AFMID: variants seen among roughly 807,000 people sequenced by gnomAD.
AFMID encodes the protein kynurenine formamidase.
Under a neutral mutation model 47.5 loss-of-function variants are expected in AFMID, and 39 were observed. The ratio of observed to expected loss-of-function variants is 0.82; its 90% CI spans 0.64 to 1.07. The LOEUF (loss-of-function observed/expected upper bound fraction) is 1.07, where lower values mean the gene tolerates loss of function less well. Ranked by LOEUF, AFMID falls within the 50% of genes least tolerant of loss-of-function variation. The pLI is 0.00. For missense variants in AFMID, 375 were observed against 387.5 expected, an observed-to-expected ratio of 0.97 and a Z score of 0.27; for synonymous variants, 130 against 153.2, an observed-to-expected ratio of 0.85 and a Z score of 1.12.
intron 1 of AFMID, among the ~76,000 whole-genome samples, chr17:78,187,960 CAAAAAAAAAAAAA>C (rs34018698): frequency 7.1e-5 from 4 of 56,662 alleles, no homozygotes; most frequent in East Asian, 9.3e-4. Context: ...GACTTAGTCT[CAAAAAAAAAAAAA>C]AAAAAAAAAA....
At chr17:78,194,626 G>T (rs899154515) in intron 2 of AFMID, among the ~76,000 whole-genome samples, 5 of 152,172 alleles carry the variant, frequency 3.3e-5, no homozygotes, top group Non-Finnish European at 7.3e-5. Flanking sequence ...GGCTGGCAGA[G>T]AGGGGGTTTA....
intron 1 of AFMID, 97 bp from the exon 2 acceptor site, chr17:78,190,873 T>C: frequency 9.2e-7 from 1 of 1,089,160 alleles, no homozygotes; most frequent in Non-Finnish European, 1.4e-6. Context: ...GGCGAGGGCT[T>C]CTAAGGCAGA....
intron 2 of AFMID, chr17:78,192,860 T>C: frequency 3.7e-6 from 1 of 269,150 alleles, no homozygotes; most frequent in Non-Finnish European, 7.7e-6. Context: ...CAGAGGCAGA[T>C]GCCTGGGCTC....
intron 1 of AFMID, among the ~76,000 whole-genome samples, chr17:78,187,879 G>A (rs2075839992): frequency 1.3e-5 from 2 of 149,128 alleles, no homozygotes; most frequent in South Asian, 4.2e-4. Flanking sequence ...TTGAACCCAG[G>A]AGGTGGAGGT....
At chr17:78,194,799 A>AT (rs1412854963) in intron 2 of AFMID, among the ~76,000 whole-genome samples, 1 of 151,818 alleles carries the variant, frequency 6.6e-6, no homozygotes, top group Non-Finnish European at 1.5e-5. Context: ...GGTTCAAGCG[A>AT]TTCTCCTGCC....
intron 2 of AFMID, among the ~76,000 whole-genome samples, chr17:78,196,752 C>T (rs8067144): frequency 0.08 from 12,221 of 152,166 alleles, 1,218 homozygotes; most frequent in African/African-American, 0.23. Context: ...CATTTTTACA[C>T]GCGTGTTCGT....
chr17:78,198,973 C>T (rs779053330), intron 2 of AFMID, among the ~76,000 whole-genome samples: 4 of 152,198 alleles, frequency 2.6e-5, no homozygotes, highest in South Asian at 2.1e-4. Context: ...CAAATGGCCC[C>T]GTAGTACACA....
In AFMID at chr17:78,205,609, C is replaced by T. The variant is rs1236775997; in HGVS notation, c.651C>T (p.Asp217=). ...QNVALQLTLE[D]AQRNSPQLKV... ...TGTCCACTCCCCACCCCAGGGAGGACGCTCAGAGGAATAGCCCCCAGCTGA... is the reference window on the plus strand; with the variant it reads ...TGTCCACTCCCCACCCCAGGGAGGATGCTCAGAGGAATAGCCCCCAGCTGA... The change falls in exon 9 of 11, where the codon GAC becomes GAT. Residue 217 remains aspartate (D), a synonymous_variant. Coordinates refer to ENST00000409257, the MANE Select transcript of AFMID (RefSeq NM_001010982.5). The T allele has an allele frequency of 1.2e-5, 19 of 1,613,552 alleles. No individual in the cohort carries two copies. The highest frequency in any genetic ancestry group is 6.7e-5 in the East Asian group (3 of 44,850).
chr17:78,187,746 G>A (rs1287708544), intron 1 of AFMID, among the ~76,000 whole-genome samples: 2 of 152,046 alleles, frequency 1.3e-5, no homozygotes, highest in Non-Finnish European at 2.9e-5. Flanking sequence ...GAGGTCAGGA[G>A]TTCGAGACCA....
In AFMID at chr17:78,187,386, GGT is replaced by G; in HGVS notation, c.20_21del (p.Val7GlyfsTer44). 1.2e-6 allele frequency: 2 copies of G among 1,613,942 alleles called. No homozygotes were observed. Among genetic ancestry groups the G allele is most frequent in the Non-Finnish European group, 1.7e-6 (2 of 1,179,964 alleles). On this transcript the variant is annotated frameshift_variant, in exon 1 of 11. Coordinates refer to ENST00000409257, the MANE Select transcript of AFMID (RefSeq NM_001010982.5). LOFTEE classifies it high-confidence loss of function. MMDVS[G>X]VGFPSKVPWK... The stretch of plus-strand genomic sequence containing the variant: ...TGTAGACGCCATGATGGATGTGTCT[GGT>G]GTGGGTTTCCCAAGCAAGGTTCCTT...
intron 8 of AFMID, 23 bp downstream of exon 8, chr17:78,205,541 C>T (rs570400247): frequency 8.1e-6 from 13 of 1,613,984 alleles, no homozygotes; most frequent in South Asian, 7.7e-5. Context: ...GCCACCACCT[C>T]CCCTGGCTCA....
intron 2 of AFMID, among the ~76,000 whole-genome samples, chr17:78,192,175 ATT>A (rs201019004): frequency 2.6e-4 from 32 of 124,092 alleles, no homozygotes; most frequent in Admixed American, 2.5e-4. Context: ...AGTGTTTTGT[ATT>A]TTTTTTTTTT....
intron 4 of AFMID, chr17:78,203,939 A>G (rs4789550): frequency 0.69 from 103,103 of 150,232 alleles, 36,013 homozygotes; most frequent in African/African-American, 0.82. Flanking sequence ...CAGGAGAATC[A>G]CTTGAACCCA....
At position 78,206,893 on chromosome 17, in the gene AFMID, C is replaced by T. The variant is rs750674895; in HGVS notation, c.886-18C>T. On this transcript the variant is annotated intron_variant, in intron 10 of 10. Coordinates refer to ENST00000409257, the MANE Select transcript of AFMID (RefSeq NM_001010982.5). ...TGCTCTGATTCTGGGGCTTTTGTGT[C>T]TTCTCTTCCTGTTCCAGATTATCTT... 2.5e-6 allele frequency: 4 copies of T among 1,613,782 alleles called. No homozygotes were observed. The South Asian group carries it at 4.4e-5, about 18-fold the overall frequency.
At chr17:78,206,261 C>A (rs2076377721) in intron 10 of AFMID, among the ~76,000 whole-genome samples, 1 of 151,140 alleles carries the variant, frequency 6.6e-6, no homozygotes. Context: ...ATTGCTTTAA[C>A]CCAGGAGGCA....
intron 1 of AFMID, chr17:78,190,694 C>T (rs1192987287): frequency 8.1e-6 from 3 of 368,784 alleles, no homozygotes; most frequent in Non-Finnish European, 1.5e-5. Flanking sequence ...GCCACCTGGC[C>T]TCCCCTGGTC....
chr17:78,200,076 A>C (rs2145867649), intron 2 of AFMID, among the ~76,000 whole-genome samples: 1 of 152,220 alleles, frequency 6.6e-6, no homozygotes, highest in African/African-American at 2.4e-5. Flanking sequence ...TCCAAATCCT[A>C]ACCCTGGGAA....
chr17:78,192,542 G>T, intron 2 of AFMID: 2 of 449,730 alleles, frequency 4.4e-6, no homozygotes, highest in South Asian at 3.2e-5. Flanking sequence ...TCAAACTCCC[G>T]ACCTCAGGTC....
chr17:78,195,507 T>C (rs1168986241), intron 2 of AFMID, among the ~76,000 whole-genome samples: 1 of 146,150 alleles, frequency 6.8e-6, no homozygotes, highest in Non-Finnish European at 1.5e-5. Flanking sequence ...GCAGTCCTGT[T>C]TTTTTTTTTT....
Sources: gnomAD v4.1 joint callset for allele counts (sites outside exome capture counted in the v4.1 genomes callset) on GRCh38, gnomAD v4.1.1 for gene constraint, MANE v1.5 for transcripts, NCBI Gene and HGNC (gene_info 2026-07-23, HGNC 2026-07-21) for gene names.